The following CHN1 variants were observed in gnomAD, a reference collection of about 807,000 sequenced individuals.
CHN1 encodes chimerin 1.
CHN1 carries 37 observed loss-of-function variants against 59.5 expected under a neutral mutation model. The observed-to-expected ratio is 0.62, with a 90% CI of 0.48 to 0.82. The LOEUF (loss-of-function observed/expected upper bound fraction) is 0.82, where lower values mean the gene tolerates loss of function less well. Among genes scored for constraint, CHN1 ranks in the 40% least tolerant of loss-of-function variants. CHN1 has a pLI of 0.00. For missense variants in CHN1, 469 were observed against 571.0 expected (o/e 0.82, Z 1.82); for synonymous variants, 206 against 200.4 (o/e 1.03, Z -0.24).
chr2:174,972,609 A>G (rs1182032924), intron 1 of CHN1, among the ~76,000 whole-genome samples: 1 of 152,232 alleles, frequency 6.6e-6, no homozygotes, highest in Non-Finnish European at 1.5e-5. Context: ...AGTTTGAGCT[A>G]TGCAGCATTC....
At chr2:174,819,668 A>G (rs1004202834) in intron 8 of CHN1, among the ~76,000 whole-genome samples, 1 of 147,272 alleles carries the variant, frequency 6.8e-6, no homozygotes, top group Non-Finnish European at 1.5e-5. Context: ...TGATTTTTTT[A>G]TTATTATTAT....
At chr2:174,952,634 T>C (rs1293093921) in intron 1 of CHN1, among the ~76,000 whole-genome samples, 1 of 152,184 alleles carries the variant, frequency 6.6e-6, no homozygotes, top group East Asian at 1.9e-4. Context: ...TCTATTATTT[T>C]CCCCCGTTAC....
chr2:174,907,680 A>G (rs1688581480), intron 5 of CHN1, among the ~76,000 whole-genome samples: 1 of 151,092 alleles, frequency 6.6e-6, no homozygotes, highest in South Asian at 2.1e-4. Flanking sequence ...CAGGTAACTC[A>G]AAAAATACAA....
chr2:174,986,577 C>T (rs1691348482), intron 1 of CHN1, among the ~76,000 whole-genome samples: 1 of 152,082 alleles, frequency 6.6e-6, no homozygotes, highest in Non-Finnish European at 1.5e-5. Context: ...CCACGTGGTT[C>T]TACTTATAAA....
chr2:174,955,150 ATATC>A (rs1261358303), intron 1 of CHN1, among the ~76,000 whole-genome samples: 1 of 130,484 alleles, frequency 7.7e-6, no homozygotes, highest in Non-Finnish European at 1.6e-5. Flanking sequence ...ATATCTCTAT[ATATC>A]TATGTCTATA....
chr2:174,945,940 TATAA>T (rs934947359), intron 2 of CHN1, among the ~76,000 whole-genome samples: 5 of 151,668 alleles, frequency 3.3e-5, no homozygotes, highest in African/African-American at 1.2e-4. Context: ...TGTATATATA[TATAA>T]ATGTGTGTGT....
intron 1 of CHN1, among the ~76,000 whole-genome samples, chr2:174,987,722 C>A (rs565136213): frequency 1.2e-4 from 18 of 152,272 alleles, no homozygotes; most frequent in Non-Finnish European, 2.2e-4. Flanking sequence ...GCATGAGCCA[C>A]CGTGCTTGGC....
chr2:174,809,578 T>A (rs866911304), intron 10 of CHN1, among the ~76,000 whole-genome samples: 2 of 152,354 alleles, frequency 1.3e-5, no homozygotes, highest in African/African-American at 4.8e-5. Flanking sequence ...GTTATTAAAC[T>A]GGTTCTTTTA....
At chr2:174,960,433 T>G (rs1464103338) in intron 1 of CHN1, among the ~76,000 whole-genome samples, 1 of 152,242 alleles carries the variant, frequency 6.6e-6, no homozygotes, top group Non-Finnish European at 1.5e-5. Context: ...GTGTGTTCTC[T>G]GTTATCTTAA....
intron 1 of CHN1, among the ~76,000 whole-genome samples, chr2:174,987,201 C>T (rs1193959133): frequency 1.3e-5 from 2 of 152,026 alleles, no homozygotes. Context: ...AAGTCAAATA[C>T]GTGGATTTTT....
intron 6 of CHN1, among the ~76,000 whole-genome samples, chr2:174,848,030 T>TGAG (rs1335617764): frequency 3.9e-5 from 6 of 152,088 alleles, no homozygotes; most frequent in African/African-American, 1.4e-4. Context: ...GAAAAACTGG[T>TGAG]GAGTATTTTG....
At chr2:174,817,482 T>TAA (rs1440826623) in intron 8 of CHN1, among the ~76,000 whole-genome samples, 2 of 151,182 alleles carry the variant, frequency 1.3e-5, no homozygotes, top group African/African-American at 2.4e-5. Context: ...TTTTTTTTTT[T>TAA]AAAACAGGGT....
At chr2:174,998,260 GC>G (rs1178797871) in intron 1 of CHN1, among the ~76,000 whole-genome samples, 1 of 131,020 alleles carries the variant, frequency 7.6e-6, no homozygotes, top group East Asian at 2.3e-4. Context: ...CTGAGATTGC[GC>G]CACTGCACTG....
chr2:174,866,820 T>C (rs1331744757), intron 6 of CHN1, among the ~76,000 whole-genome samples: 1 of 152,204 alleles, frequency 6.6e-6, no homozygotes, highest in African/African-American at 2.4e-5. Context: ...GTTTCTCTCA[T>C]ATAGTTTTAT....
intron 10 of CHN1, 100 bp downstream of exon 10, chr2:174,811,411 T>C: frequency 1.4e-6 from 1 of 729,302 alleles, no homozygotes; most frequent in Non-Finnish European, 2.2e-6. Context: ...TAATCATCAA[T>C]GATTTAGAAA....
At chr2:174,817,883 C>T (rs192140177) in intron 8 of CHN1, among the ~76,000 whole-genome samples, 1,919 of 152,194 alleles carry the variant, frequency 0.013, 19 homozygotes, top group Non-Finnish European at 0.021. Context: ...GTGATCCTCC[C>T]GCCTTGGCCT....
At chr2:174,953,667 C>T (rs910064380) in intron 1 of CHN1, among the ~76,000 whole-genome samples, 1 of 151,912 alleles carries the variant, frequency 6.6e-6, no homozygotes. Flanking sequence ...ATCTCTTATA[C>T]AAAAGCTGCA....
At chr2:174,834,724 T>C (rs1395682279) in intron 7 of CHN1, among the ~76,000 whole-genome samples, 1 of 152,188 alleles carries the variant, frequency 6.6e-6, no homozygotes, top group Non-Finnish European at 1.5e-5. Flanking sequence ...ATAATTTGTT[T>C]CCTCAAAGTT....
intron 5 of CHN1, among the ~76,000 whole-genome samples, chr2:174,891,770 G>C (rs1291853214): frequency 6.6e-6 from 1 of 151,836 alleles, no homozygotes; most frequent in Non-Finnish European, 1.5e-5. Flanking sequence ...GGTAATAGCA[G>C]TGATTAGAGC....
Sources: allele counts gnomAD v4.1 joint callset (sites outside exome capture counted in the v4.1 genomes callset), GRCh38; gene constraint gnomAD v4.1.1; transcripts MANE v1.5; gene names NCBI Gene and HGNC (gene_info 2026-07-23, HGNC 2026-07-21).